CSTF3: variants seen among roughly 807,000 people sequenced by gnomAD.
The protein encoded by CSTF3 is cleavage stimulation factor subunit 3, also known as CF-1 77 kDa subunit.
In CSTF3, 29 loss-of-function variants were observed where a neutral mutation model predicts 105.8. The ratio of observed to expected loss-of-function variants is 0.27; its 90% CI spans 0.20 to 0.37. The LOEUF (loss-of-function observed/expected upper bound fraction) is 0.37, where lower values mean the gene tolerates loss of function less well. CSTF3 is among the 10% of genes least tolerant of loss of function. The pLI is 1.00. For synonymous variants in CSTF3, 252 were observed against 281.9 expected (o/e 0.89, Z 1.06); for missense variants, 357 against 879.3 (o/e 0.41, Z 7.51).
chr11:33,113,452 G>A (rs1199562553), intron 3 of CSTF3, among the ~76,000 whole-genome samples: 2 of 151,640 alleles, frequency 1.3e-5, no homozygotes, highest in Non-Finnish European at 2.9e-5. Flanking sequence ...GAAGTTTAAG[G>A]CTGCAGTGTG....
intron 3 of CSTF3, among the ~76,000 whole-genome samples, chr11:33,128,502 A>G (rs1855567470): frequency 6.6e-6 from 1 of 152,158 alleles, no homozygotes; most frequent in African/African-American, 2.4e-5. Context: ...TGATATCTCA[A>G]CTTAAGCTCT....
chr11:33,108,110 CTT>C (rs1008857703), intron 4 of CSTF3, 110 bp from the exon 5 acceptor site: 8 of 661,324 alleles, frequency 1.2e-5, no homozygotes, highest in African/African-American at 3.8e-5. Context: ...GAATTTATCT[CTT>C]ATAAATAAAA....
At chr11:33,112,535 A>G (rs1479880550) in intron 3 of CSTF3, among the ~76,000 whole-genome samples, 1 of 152,192 alleles carries the variant, frequency 6.6e-6, no homozygotes, top group Non-Finnish European at 1.5e-5. Context: ...AAACAGAACT[A>G]TGTAAACCAA....
At chr11:33,122,947 G>T (rs576826437) in intron 3 of CSTF3, among the ~76,000 whole-genome samples, 119 of 137,500 alleles carry the variant, frequency 8.7e-4, no homozygotes, top group Non-Finnish European at 1.7e-3. Flanking sequence ...AAAGAAAAAA[G>T]AAAAGAAAAG....
Position 33,099,758 on chromosome 11 carries a change from T to C in CSTF3, c.827-41A>G. On this transcript the variant is annotated intron_variant, in intron 10 of 20. Coordinates refer to ENST00000323959, the MANE Select transcript of CSTF3 (RefSeq NM_001326.3). The surrounding 1 kb of genome is among the most constrained non-coding windows in gnomAD (Gnocchi z 4.1). The stretch of plus-strand genomic sequence containing the variant: ...AACAAACAATATTCAATTAAAATAA[T>C]TATTATTTGTAAAACTATCAATGTA... The C allele has an allele frequency of 8.0e-7, 1 of 1,251,420 alleles. No homozygotes were observed. Among genetic ancestry groups the C allele is most frequent in the Non-Finnish European group, 1.1e-6 (1 of 898,146 alleles). 77.5% of individuals were successfully genotyped at this position (1,251,420 alleles called of 1,614,324 possible). A position where few individuals can be genotyped will look rare whatever the true frequency, so the allele number is the denominator to read the frequency against.
In CSTF3 at chr11:33,153,712, C is replaced by CAAA. The variant is rs35247715; in HGVS notation, c.27+7584_27+7586dup. ...ATTTCGACCATGCAGGTAAAACAGA[C>CAAA]AAAAAAAAAAAAAAAGATAATTCTC... On this transcript the variant is annotated intron_variant, in intron 1 of 20. Transcript: ENST00000323959. Among the ~76,000 whole-genome samples, 233 of 121,782 alleles carry CAAA rather than the reference C, an allele frequency of 1.9e-3. 1 individual carries two copies. Among genetic ancestry groups the CAAA allele is most frequent in the Non-Finnish European group, 2.4e-3 (149 of 61,682 alleles). The allele number at this position is 121,782 out of a possible 152,430, so 79.9% of individuals were successfully genotyped here.
At chr11:33,134,393 A>T (rs572740779) in intron 3 of CSTF3, 1 of 152,330 alleles carries the variant, frequency 6.6e-6, no homozygotes, top group African/African-American at 2.4e-5. Context: ...CATACCCCAA[A>T]TACGGGAAGC....
rs540292732 is a variant in CSTF3, at chr11:33,143,705, C to T, written c.28-1719G>A. On this transcript the variant is annotated intron_variant, in intron 1 of 20. Transcript: ENST00000323959. ...GCAGAGGTTACTGTGAGTGAGATTG[C>T]GCCACTGCACTCCAGCCTGGGTGAC... 3.9e-5 allele frequency among the ~76,000 whole-genome samples: 6 copies of T among 152,078 alleles called. No individual in the cohort carries two copies. In the East Asian group the frequency reaches 7.7e-4, roughly 20 times the overall value.
intron 1 of CSTF3, among the ~76,000 whole-genome samples, chr11:33,155,403 T>A (rs1449709953): frequency 6.9e-6 from 1 of 145,942 alleles, no homozygotes; most frequent in African/African-American, 2.5e-5. Context: ...AAAAAAAAGA[T>A]CTTGGCTTAA....
chr11:33,154,331 T>C (rs762704735), intron 1 of CSTF3, among the ~76,000 whole-genome samples: 1 of 152,186 alleles, frequency 6.6e-6, no homozygotes, highest in Non-Finnish European at 1.5e-5. Flanking sequence ...TCACGTTTCA[T>C]TAAAAATAAG....
At chr11:33,128,714 T>A (rs1855569043) in intron 3 of CSTF3, among the ~76,000 whole-genome samples, 1 of 152,198 alleles carries the variant, frequency 6.6e-6, no homozygotes, top group Admixed American at 6.5e-5. Flanking sequence ...TGCTTTAATA[T>A]ACTGGGAATG....
chr11:33,099,930 G>A lies in CSTF3; in HGVS notation c.827-213C>T, dbSNP rs999294636. On this transcript the variant is annotated intron_variant, in intron 10 of 20. Coordinates refer to ENST00000323959, the MANE Select transcript of CSTF3 (RefSeq NM_001326.3). This position sits in a 1 kb window ranked among gnomAD's most constrained non-coding sequence, Gnocchi z 4.1. The stretch of plus-strand genomic sequence containing the variant: ...TTTTATTTTTGGAAGCAGGGTCTCT[G>A]TCACGTAGGCTGGAGTGCAGTGGCA... Among the ~76,000 whole-genome samples, 3 of 152,066 alleles carry A rather than the reference G, an allele frequency of 2.0e-5. No individual in the cohort carries two copies. Among genetic ancestry groups the A allele is most frequent in the African/African-American group, 7.2e-5 (3 of 41,410 alleles).
chr11:33,089,307 A>C (rs1855141546), intron 17 of CSTF3, among the ~76,000 whole-genome samples: 2 of 149,736 alleles, frequency 1.3e-5, no homozygotes, highest in African/African-American at 4.9e-5. Flanking sequence ...TGATCTCACC[A>C]TTGCACTCCA....
chr11:33,123,724 T>C (rs1274275845), intron 3 of CSTF3, among the ~76,000 whole-genome samples: 1 of 152,070 alleles, frequency 6.6e-6, no homozygotes, highest in African/African-American at 2.4e-5. Context: ...ATGTAATAGA[T>C]ATTTATTAAT....
rs546838756 is a variant in CSTF3, at chr11:33,095,803, C to CAG, written c.1375+501_1375+502dup. Among the ~76,000 whole-genome samples, 720 of 131,184 alleles carry CAG rather than the reference C, an allele frequency of 5.5e-3. 3 individuals carry two copies. Among genetic ancestry groups the CAG allele is most frequent in the Non-Finnish European group, 8.0e-3 (476 of 59,262 alleles). 86.1% of individuals were successfully genotyped at this position (131,184 alleles called of 152,430 possible). A position where few individuals can be genotyped will look rare whatever the true frequency, so the allele number is the denominator to read the frequency against. On this transcript the variant is annotated intron_variant, in intron 15 of 20. Coordinates refer to ENST00000323959, the MANE Select transcript of CSTF3 (RefSeq NM_001326.3). The stretch of plus-strand genomic sequence containing the variant: ...CGCCACTGCACTCCAGCCTGGGCGA[C>CAG]AGCGAGACTCTGTCTCAAATAAATA...
Position 33,084,990 on chromosome 11 carries a change from T to C in CSTF3, c.*97A>G. 7.5e-7 allele frequency: 1 copy of C among 1,337,792 alleles called. No individual in the cohort carries two copies. The highest frequency in any genetic ancestry group is 1.1e-6 in the Non-Finnish European group (1 of 944,136). 82.9% of individuals were successfully genotyped at this position (1,337,792 alleles called of 1,614,324 possible). A position where few individuals can be genotyped will look rare whatever the true frequency, so the allele number is the denominator to read the frequency against. On this transcript the variant is annotated 3_prime_UTR_variant, in exon 21 of 21. Transcript: ENST00000323959. ...GCACCAATGACAATACAACTTTGTT[T>C]CCAAGAACCTTGTAACAAAGCGTTG...
rs1262764953 is a variant in CSTF3, at chr11:33,161,185, G to A, written c.27+114C>T. The A allele has an allele frequency of 8.1e-6, 9 of 1,113,878 alleles. No individual in the cohort carries two copies. The Admixed American group carries it at 1.1e-4, about 14-fold the overall frequency. The allele number at this position is 1,113,878 out of a possible 1,614,324, so 69.0% of individuals were successfully genotyped here. On this transcript the variant is annotated intron_variant, in intron 1 of 20. Coordinates refer to ENST00000323959, the MANE Select transcript of CSTF3 (RefSeq NM_001326.3). ...TTCCCACCACTCTTCTATATACCCT[G>A]TCCCCCGGGTTCACTAGACCCAATT...
Position 33,085,005 on chromosome 11 carries a change from A to G in CSTF3, c.*82T>C, listed in dbSNP as rs1288017556. On this transcript the variant is annotated 3_prime_UTR_variant, in exon 21 of 21. Coordinates refer to ENST00000323959, the MANE Select transcript of CSTF3 (RefSeq NM_001326.3). ...CAACTTTGTTTCCAAGAACCTTGTA[A>G]CAAAGCGTTGTCTCTTTTAAACATA... The G allele has an allele frequency of 6.9e-7, 1 of 1,456,784 alleles. No individual in the cohort carries two copies. The highest frequency in any genetic ancestry group is 1.4e-5 in the African/African-American group (1 of 72,132). 90.2% of individuals were successfully genotyped at this position (1,456,784 alleles called of 1,614,324 possible).
At chr11:33,158,969 A>C (rs1849901531) in intron 1 of CSTF3, among the ~76,000 whole-genome samples, 1 of 151,878 alleles carries the variant, frequency 6.6e-6, no homozygotes, top group Non-Finnish European at 1.5e-5. Context: ...CAATATGTAA[A>C]TCTAGATTGA....
Sources: gnomAD v4.1 joint callset for allele counts (sites outside exome capture counted in the v4.1 genomes callset) on GRCh38, gnomAD v4.1.1 for gene constraint, Gnocchi (gnomAD v3.1) non-coding constraint, MANE v1.5 for transcripts, NCBI Gene and HGNC (gene_info 2026-07-23, HGNC 2026-07-21) for gene names.